ENPP2: variants seen among roughly 807,000 people sequenced by gnomAD.
ENPP2 encodes ectonucleotide pyrophosphatase/phosphodiesterase 2, also known as autotaxin.
A neutral mutation model predicts 120.2 loss-of-function variants in ENPP2; 51 were observed. The observed-to-expected ratio is 0.42, with a 90% CI of 0.34 to 0.54. The LOEUF is 0.54. Ranked by LOEUF, ENPP2 falls within the 20% of genes least tolerant of loss-of-function variation. The pLI is 0.04. For synonymous variants in ENPP2, 365 were observed against 366.4 expected, an observed-to-expected ratio of 1.00 and a Z score of 0.04; for missense variants, 920 against 1,066.5, an observed-to-expected ratio of 0.86 and a Z score of 1.91.
chr8:119,649,440 A>G (rs1182723413), intron 1 of ENPP2, among the ~76,000 whole-genome samples: 1 of 151,970 alleles, frequency 6.6e-6, no homozygotes, highest in Non-Finnish European at 1.5e-5. Flanking sequence ...AGAAAATTGC[A>G]TTTATAATAG....
Position 119,626,658 on chromosome 8 carries a change from G to C in ENPP2, c.199C>G (p.Gln67Glu). 1 of 1,614,066 alleles carries C rather than the reference G, an allele frequency of 6.2e-7. No homozygotes were observed. Among genetic ancestry groups the C allele is most frequent in the Non-Finnish European group, 8.5e-7 (1 of 1,179,926 alleles). Residue 67 changes from glutamine to glutamate, a missense_variant, in exon 3 of 25, where the codon CAA (glutamine) becomes GAA (glutamate). Transcript: ENST00000075322. The stretch of plus-strand genomic sequence containing the variant: ...CGACAATCAGGAGGTCCAGCCTCTT[G>C]AAGTTCAAAGCACCTGCCCTTGCAA... ...GSCKGRCFELQEAGPPDCRCD... is the reference protein window; with the variant it reads ...GSCKGRCFELEEAGPPDCRCD...
At chr8:119,640,750 T>C (rs1817257802), upstream of ENPP2, among the ~76,000 whole-genome samples, 1 of 151,962 alleles carries the variant, frequency 6.6e-6, no homozygotes, top group African/African-American at 2.4e-5. Context: ...TTTTTGTTTG[T>C]TTATTTGTTT....
intron 11 of ENPP2, among the ~76,000 whole-genome samples, chr8:119,595,410 C>T (rs1182260838): frequency 1.3e-5 from 2 of 152,302 alleles, no homozygotes; most frequent in East Asian, 1.9e-4. Flanking sequence ...ATAACCTACA[C>T]CTTTTCTGAT....
chr8:119,624,076 C>T (rs1296801221), intron 3 of ENPP2, among the ~76,000 whole-genome samples: 1 of 152,112 alleles, frequency 6.6e-6, no homozygotes, highest in African/African-American at 2.4e-5. Flanking sequence ...TTTTTCAATT[C>T]AAGGTGATTC....
At chr8:119,612,913 T>A (rs1459198291) in intron 8 of ENPP2, among the ~76,000 whole-genome samples, 2 of 152,104 alleles carry the variant, frequency 1.3e-5, no homozygotes, top group Non-Finnish European at 2.9e-5. Context: ...AATAAATTTT[T>A]AAAAAATAAT....
intron 9 of ENPP2, among the ~76,000 whole-genome samples, chr8:119,603,693 T>C (rs1169437268): frequency 6.6e-6 from 1 of 152,202 alleles, no homozygotes; most frequent in African/African-American, 2.4e-5. Context: ...ATGTTAGCTT[T>C]TATTGTTATA....
chr8:119,604,742 C>T (rs1814575158), intron 9 of ENPP2, among the ~76,000 whole-genome samples: 1 of 152,006 alleles, frequency 6.6e-6, no homozygotes, highest in Admixed American at 6.6e-5. Flanking sequence ...GTACCAAATA[C>T]CCTAATAAGC....
At chr8:119,618,425 TG>T (rs1815631188) in intron 5 of ENPP2, 18 of 445,292 alleles carry the variant, frequency 4.0e-5, no homozygotes, top group South Asian at 2.9e-4. Context: ...AGTGTGGAAC[TG>T]GGCACACTTC....
At chr8:119,652,886 T>A (rs1053118682) in intron 1 of ENPP2, among the ~76,000 whole-genome samples, 1 of 152,216 alleles carries the variant, frequency 6.6e-6, no homozygotes, top group Non-Finnish European at 1.5e-5. Context: ...GACAACATTC[T>A]TGAAGCAGAA....
chr8:119,557,798 C>G, intron 24 of ENPP2, 107 bp from the exon 25 acceptor site: 9 of 882,058 alleles, frequency 1.0e-5, no homozygotes, highest in Non-Finnish European at 1.5e-5. Flanking sequence ...CTCTTGCACA[C>G]AGAGCCAACG....
intron 24 of ENPP2, among the ~76,000 whole-genome samples, chr8:119,559,608 C>G (rs1265767210): frequency 2.0e-5 from 3 of 152,138 alleles, no homozygotes; most frequent in Non-Finnish European, 4.4e-5. Context: ...CGCTGGCAAT[C>G]CACAGAAGCA....
intron 12 of ENPP2, chr8:119,592,827 T>A: frequency 2.9e-5 from 1 of 34,016 alleles, no homozygotes; most frequent in Non-Finnish European, 5.0e-5. Context: ...CCCTTTGGCT[T>A]TTTTTTTTTT....
chr8:119,583,648 G>T, intron 17 of ENPP2, 69 bp downstream of exon 17: 1 of 863,104 alleles, frequency 1.2e-6, no homozygotes, highest in Non-Finnish European at 1.8e-6. Context: ...TTCTTTCTCT[G>T]ACATTGAGAA....
rs61753745 is a variant in ENPP2, at chr8:119,595,982, A to G, written c.973-2122T>C. On this transcript the variant is annotated intron_variant, in intron 11 of 24. Transcript: ENST00000075322. ...TCTTAGGTCTCTTAGCCGGAGTAAA[A>G]GGTGAGCCATAACTACTCTCCTGTA... The G allele has an allele frequency of 0.01, 16,434 of 1,613,948 alleles. 109 individuals are homozygous for G. Among genetic ancestry groups the G allele is most frequent in the Non-Finnish European group, 0.012 (14,726 of 1,179,862 alleles).
At chr8:119,599,481 A>T (rs986599597) in intron 11 of ENPP2, among the ~76,000 whole-genome samples, 1 of 152,232 alleles carries the variant, frequency 6.6e-6, no homozygotes, top group African/African-American at 2.4e-5. Context: ...ATTCATCTGA[A>T]AACAATGAAC....
chr8:119,592,936 G>T, intron 12 of ENPP2: 1 of 955,042 alleles, frequency 1.0e-6, no homozygotes, highest in Non-Finnish European at 1.2e-6. Flanking sequence ...ATTCTTAACA[G>T]AACTGCCAAA....
chr8:119,670,196 G>C (rs540650986), intron 1 of ENPP2, among the ~76,000 whole-genome samples: 153 of 152,300 alleles, frequency 1.0e-3, no homozygotes, highest in African/African-American at 3.6e-3. Flanking sequence ...GTAGCAATAG[G>C]AGAAGCCCAC....
intron 23 of ENPP2, among the ~76,000 whole-genome samples, chr8:119,563,234 T>C (rs1814120098): frequency 6.6e-6 from 1 of 152,136 alleles, no homozygotes; most frequent in Admixed American, 6.5e-5. Flanking sequence ...GTAAGAAAGA[T>C]ATTCCAGGCA....
intron 9 of ENPP2, among the ~76,000 whole-genome samples, chr8:119,603,108 T>C (rs190459038): frequency 3.3e-4 from 50 of 152,300 alleles, no homozygotes; most frequent in African/African-American, 7.7e-4. Context: ...TATCCTATAA[T>C]TGAATTAGAA....
Sources: allele counts gnomAD v4.1 joint callset (sites outside exome capture counted in the v4.1 genomes callset), GRCh38; gene constraint gnomAD v4.1.1; transcripts MANE v1.5; gene names NCBI Gene and HGNC (gene_info 2026-07-23, HGNC 2026-07-21).